The following DNAH6 variants were observed in gnomAD, a reference collection of about 807,000 sequenced individuals.
The protein encoded by DNAH6 is axonemal beta dynein heavy chain 6.
Under a neutral mutation model 491.4 loss-of-function variants are expected in DNAH6, and 340 were observed. The observed-to-expected ratio is 0.69, with a 90% CI of 0.63 to 0.76. DNAH6 has a LOEUF of 0.76. Among genes scored for constraint, DNAH6 ranks in the 30% least tolerant of loss-of-function variants. DNAH6 has a pLI of 0.00. For synonymous variants in DNAH6, 1,603 were observed against 1,686.1 expected (o/e 0.95, Z 1.21); for missense variants, 4,443 against 4,972.2 (o/e 0.89, Z 3.20).
chr2:84,506,336 CGT>C, the DNAH6 span, among the ~76,000 whole-genome samples: 5,497 of 152,236 alleles, frequency 0.036, 152 homozygotes, highest in Non-Finnish European at 0.061. Context: ...AGCATTTTTT[CGT>C]GTGTTTTTTG....
At chr2:84,493,681 T>A in the DNAH6 span, among the ~76,000 whole-genome samples, 1 of 152,178 alleles carries the variant, frequency 6.6e-6, no homozygotes, top group Non-Finnish European at 1.5e-5. Context: ...AAATGAGTCA[T>A]CACTGAAAGG....
In DNAH6 at chr2:84,718,276, T is replaced by C; in HGVS notation, c.9684T>C (p.Asp3228=). 1.3e-6 allele frequency: 2 copies of C among 1,551,400 alleles called. No homozygotes were observed. Among genetic ancestry groups the C allele is most frequent in the South Asian group, 2.4e-5 (2 of 83,910 alleles). The change falls in exon 59 of 77, where the codon GAT becomes GAC. Residue 3228 remains aspartate (D), a synonymous_variant. Transcript: ENST00000389394. The part of the protein sequence containing the change: ...RIKLIVRINT[D]KNQLKTIEEK... The stretch of plus-strand genomic sequence containing the variant: ...AGCTCATCGTGAGGATCAACACTGA[T>C]AAAAACCAGTTGAAAACTATCGAAG...
intron 19 of DNAH6, among the ~76,000 whole-genome samples, chr2:84,604,900 G>C (rs573660782): frequency 2.4e-4 from 36 of 152,294 alleles, no homozygotes; most frequent in African/African-American, 8.7e-4. Flanking sequence ...GATTTTCCTA[G>C]TTATGATACT....
intron 72 of DNAH6, among the ~76,000 whole-genome samples, chr2:84,811,125 A>G (rs949982405): frequency 6.6e-6 from 1 of 152,104 alleles, no homozygotes; most frequent in African/African-American, 2.4e-5. Flanking sequence ...TCTTTTTTCT[A>G]CCACTACCTC....
chr2:84,593,161 CTG>C (rs938619838), intron 16 of DNAH6, among the ~76,000 whole-genome samples: 9 of 152,122 alleles, frequency 5.9e-5, no homozygotes, highest in African/African-American at 1.9e-4. Context: ...TGAAATGAAA[CTG>C]TGTCTTCCTC....
At chr2:84,725,803 T>C (rs971494928) in intron 60 of DNAH6, among the ~76,000 whole-genome samples, 1 of 152,174 alleles carries the variant, frequency 6.6e-6, no homozygotes, top group Non-Finnish European at 1.5e-5. Flanking sequence ...CTTTAGAGAA[T>C]TTTGAGATTT....
At chr2:84,566,237 C>G (rs1212089244) in intron 11 of DNAH6, among the ~76,000 whole-genome samples, 1 of 151,894 alleles carries the variant, frequency 6.6e-6, no homozygotes, top group Non-Finnish European at 1.5e-5. Context: ...CAAAAAGCAC[C>G]AGGCCCAAAT....
At chr2:84,500,210 A>G in the DNAH6 span, among the ~76,000 whole-genome samples, 2 of 152,132 alleles carry the variant, frequency 1.3e-5, no homozygotes, top group Non-Finnish European at 2.9e-5. Flanking sequence ...ATTTTTGTAT[A>G]TGGTGAGAGA....
upstream of DNAH6, among the ~76,000 whole-genome samples, chr2:84,513,852 G>A (rs1054908528): frequency 6.6e-6 from 1 of 152,060 alleles, no homozygotes; most frequent in African/African-American, 2.4e-5. Flanking sequence ...TCCTGGGGGA[G>A]ACTATTATAT....
chr2:84,683,248 T>A (rs575282442), intron 42 of DNAH6, among the ~76,000 whole-genome samples: 1 of 152,222 alleles, frequency 6.6e-6, no homozygotes, highest in South Asian at 2.1e-4. Context: ...AGTTCACCAC[T>A]GTATCCCAGT....
chr2:84,655,209 C>G (rs1690833948), intron 35 of DNAH6, among the ~76,000 whole-genome samples: 1 of 152,040 alleles, frequency 6.6e-6, no homozygotes, highest in South Asian at 2.1e-4. Context: ...TTTGAGAGCC[C>G]TTAACACCTA....
At position 84,544,449 on chromosome 2, in the gene DNAH6, A is replaced by T. The variant is rs1273028761; in HGVS notation, c.879A>T (p.Lys293Asn). ...SVWRKNVRSKKITGCQKSLQK... is the reference protein window; with the variant it reads ...SVWRKNVRSKNITGCQKSLQK... ...GGAGGAAGAATGTCCGCTCCAAGAA[A>T]ATCACTGGATGTCAAAAATCTCTAC... Residue 293 changes from lysine (K) to asparagine (N), a missense_variant, in exon 5 of 77, where the codon AAA becomes AAT. Physicochemically the swap from Lys to Asn is moderately conservative, Grantham distance 94. Transcript: ENST00000389394. The T allele has an allele frequency of 6.6e-7, 1 of 1,523,184 alleles. No homozygotes were observed. Among genetic ancestry groups the T allele is most frequent in the Non-Finnish European group, 8.9e-7 (1 of 1,121,428 alleles). The allele number at this position is 1,523,184 out of a possible 1,614,324, so 94.4% of individuals were successfully genotyped here.
chr2:84,459,856 A>G, the DNAH6 span: 5 of 152,690 alleles, frequency 3.3e-5, no homozygotes, highest in African/African-American at 1.2e-4. Context: ...GAAAGATGTG[A>G]TGAGAAAGAC....
At chr2:84,542,302 T>A (rs1474102770) in intron 4 of DNAH6, among the ~76,000 whole-genome samples, 4 of 152,128 alleles carry the variant, frequency 2.6e-5, no homozygotes, top group Non-Finnish European at 5.9e-5. Context: ...CAAATTGAAG[T>A]TTTACATTTT....
At chr2:84,730,960 C>A (rs1699070928) in intron 61 of DNAH6, among the ~76,000 whole-genome samples, 1 of 152,140 alleles carries the variant, frequency 6.6e-6, no homozygotes, top group African/African-American at 2.4e-5. Flanking sequence ...ATGCCACTTC[C>A]AGCATGACAG....
chr2:84,544,612 A>G, intron 5 of DNAH6, 112 bp downstream of exon 5: 1 of 664,478 alleles, frequency 1.5e-6, no homozygotes, highest in South Asian at 2.7e-5. Context: ...TATATTCTTA[A>G]GAGAATTCCC....
chr2:84,541,202 TGGA>T (rs1678209193), intron 4 of DNAH6, among the ~76,000 whole-genome samples: 1 of 152,118 alleles, frequency 6.6e-6, no homozygotes, highest in African/African-American at 2.4e-5. Context: ...GATAAACACT[TGGA>T]GGCAGAGCAT....
chr2:84,658,644 G>A (rs1481939833), intron 36 of DNAH6, among the ~76,000 whole-genome samples, 170 bp downstream of exon 36: 1 of 152,090 alleles, frequency 6.6e-6, no homozygotes, highest in Non-Finnish European at 1.5e-5. Context: ...TACAAGTAAT[G>A]TTAGCATGTA....
chr2:84,816,148 A>G (rs1680467207), intron 76 of DNAH6, 65 bp downstream of exon 76: 1 of 1,317,212 alleles, frequency 7.6e-7, no homozygotes. Context: ...AAGTCCAAAC[A>G]CTAAGCTGTG....
Sources: gnomAD v4.1 joint callset for allele counts (sites outside exome capture counted in the v4.1 genomes callset) on GRCh38, gnomAD v4.1.1 for gene constraint, MANE v1.5 for transcripts, NCBI Gene and HGNC (gene_info 2026-07-23, HGNC 2026-07-21) for gene names.